PREX2: variants seen among roughly 807,000 people sequenced by gnomAD.
The protein encoded by PREX2 is phosphatidylinositol-3,4,5-trisphosphate dependent Rac exchange factor 2, also known as phosphatidylinositol 3,4,5-trisphosphate-dependent Rac exchanger 2 protein.
Under a neutral mutation model 203.2 loss-of-function variants are expected in PREX2, and 107 were observed. The observed-to-expected ratio is 0.53, with a 90% confidence interval of 0.45 to 0.62. The LOEUF is 0.62. Ranked by LOEUF, PREX2 falls within the 20% of genes least tolerant of loss-of-function variation. The pLI is 0.00. For synonymous variants in PREX2, 672 were observed against 663.6 expected (o/e 1.01, Z -0.19); for missense variants, 1,777 against 1,955.9 (o/e 0.91, Z 1.72).
chr8:68,127,173 G>A (rs1017664250), intron 30 of PREX2, among the ~76,000 whole-genome samples: 2 of 152,088 alleles, frequency 1.3e-5, no homozygotes, highest in African/African-American at 4.8e-5. Context: ...AGCATGTCAA[G>A]TGAATTGATT....
At chr8:68,024,923 TGAGTA>T (rs1288479788) in intron 4 of PREX2, among the ~76,000 whole-genome samples, 1 of 152,076 alleles carries the variant, frequency 6.6e-6, no homozygotes, top group Non-Finnish European at 1.5e-5. Context: ...TAATATTTCC[TGAGTA>T]GAAATGGAAA....
At chr8:68,224,421 ATGTC>A in intron 38 of PREX2, 134 bp from the exon 39 acceptor site, 1 of 674,314 alleles carries the variant, frequency 1.5e-6, no homozygotes, top group South Asian at 1.8e-5. Context: ...TCAGACAGCG[ATGTC>A]TGTCTTTCTC....
chr8:68,006,803 G>A (rs1164901725), intron 1 of PREX2, among the ~76,000 whole-genome samples: 1 of 152,124 alleles, frequency 6.6e-6, no homozygotes, highest in Non-Finnish European at 1.5e-5. Context: ...TTCAGATCCC[G>A]TGAAACAAGA....
chr8:68,096,273 T>G (rs1810069945), intron 21 of PREX2, among the ~76,000 whole-genome samples: 1 of 152,196 alleles, frequency 6.6e-6, no homozygotes, highest in Non-Finnish European at 1.5e-5. Context: ...TACTTTAAGA[T>G]AAATCAATAT....
chr8:68,124,190 T>G (rs909191043), intron 30 of PREX2, among the ~76,000 whole-genome samples: 1 of 152,102 alleles, frequency 6.6e-6, no homozygotes, highest in African/African-American at 2.4e-5. Context: ...TGTGCACACG[T>G]ATGTTCGTTG....
At chr8:68,040,686 T>C (rs1455388411) in intron 7 of PREX2, among the ~76,000 whole-genome samples, 1 of 152,170 alleles carries the variant, frequency 6.6e-6, no homozygotes, top group African/African-American at 2.4e-5. Flanking sequence ...CACTTGCTAT[T>C]TCTTTCATTA....
chr8:68,025,002 AT>A (rs1807675201), intron 4 of PREX2, among the ~76,000 whole-genome samples: 1 of 151,934 alleles, frequency 6.6e-6, no homozygotes, highest in South Asian at 2.1e-4. Context: ...TATATATGTT[AT>A]AAACTTCACA....
At chr8:68,221,526 T>C (rs1286310399) in intron 38 of PREX2, among the ~76,000 whole-genome samples, 6 of 152,158 alleles carry the variant, frequency 3.9e-5, no homozygotes, top group African/African-American at 1.4e-4. Flanking sequence ...ATATGGTGAG[T>C]GACCAATCAA....
chr8:68,216,968 CAAAA>C (rs59972334), intron 37 of PREX2, among the ~76,000 whole-genome samples: 25 of 112,918 alleles, frequency 2.2e-4, no homozygotes, highest in African/African-American at 5.3e-4. Context: ...CTCAAAAAAA[CAAAA>C]AAAAAAAAAA....
chr8:67,979,790 A>G (rs1204651166), intron 1 of PREX2, among the ~76,000 whole-genome samples: 1 of 152,206 alleles, frequency 6.6e-6, no homozygotes, highest in Admixed American at 6.5e-5. Flanking sequence ...AAAAAATACT[A>G]TGATGTCTTT....
At chr8:67,981,945 C>G (rs1208389017) in intron 1 of PREX2, among the ~76,000 whole-genome samples, 1 of 152,198 alleles carries the variant, frequency 6.6e-6, no homozygotes, top group African/African-American at 2.4e-5. Context: ...TGATGCTCAG[C>G]TGTGCACTCT....
In PREX2 at chr8:68,192,873, TGCCTTTGATA is replaced by T. The variant is rs1327142458; in HGVS notation, c.4604+350_4604+359del. On this transcript the variant is annotated intron_variant, in intron 37 of 39. Transcript: ENST00000288368. ...AGCTCAACAAAACTGGTTTTCTCAC[TGCCTTTGATA>T]GACATTCCACTATTCAGTGGTTCCA... Among the ~76,000 whole-genome samples, 2 of 152,244 alleles carry T rather than the reference TGCCTTTGATA, an allele frequency of 1.3e-5. 1 individual carries two copies. The highest frequency in any genetic ancestry group is 2.9e-5 in the Non-Finnish European group (2 of 68,048).
In PREX2 at chr8:68,044,506, GC is replaced by G; in HGVS notation, c.860del (p.Ala287AspfsTer18). 6.2e-7 allele frequency: 1 copy of G among 1,611,758 alleles called. No homozygotes were observed. The highest frequency in any genetic ancestry group is 8.5e-7 in the Non-Finnish European group (1 of 1,178,138). ...RKHRRLKNSK[A>X]STDGHRYLFR... ...CTTAAGACGGTTGAAGAACAGCAAG[GC>G]ATCTACAGATGGACATCGGTACCTT... On this transcript the variant is annotated frameshift_variant, in exon 8 of 40. Transcript: ENST00000288368. LOFTEE classifies it high-confidence loss of function.
intron 1 of PREX2, among the ~76,000 whole-genome samples, chr8:68,014,142 C>T (rs952445554): frequency 3.9e-5 from 6 of 152,126 alleles, no homozygotes; most frequent in South Asian, 2.1e-4. Flanking sequence ...TGGGCAGACA[C>T]GGATAAAGGA....
At chr8:68,105,215 A>G (rs1810374231) in intron 23 of PREX2, 1 of 1,367,670 alleles carries the variant, frequency 7.3e-7, no homozygotes, top group Admixed American at 1.9e-5. Flanking sequence ...TTCACAGTGT[A>G]AGCAGCACAT....
intron 5 of PREX2, among the ~76,000 whole-genome samples, chr8:68,029,772 G>A (rs983901536): frequency 5.3e-5 from 8 of 152,018 alleles, no homozygotes; most frequent in African/African-American, 1.9e-4. Context: ...ACTAACAAGG[G>A]CTTTCAATAT....
At chr8:68,193,540 A>T (rs1213053845) in intron 37 of PREX2, among the ~76,000 whole-genome samples, 1 of 152,234 alleles carries the variant, frequency 6.6e-6, no homozygotes, top group Non-Finnish European at 1.5e-5. Context: ...AATATCATAA[A>T]GTGTTCATGT....
intron 25 of PREX2, chr8:68,110,848 T>C: frequency 6.7e-6 from 2 of 300,052 alleles, no homozygotes; most frequent in South Asian, 2.8e-5. Context: ...TGAAGTTTTA[T>C]GAGTGATTTA....
chr8:68,208,457 A>AG (rs1234648351), intron 37 of PREX2, among the ~76,000 whole-genome samples: 1 of 152,154 alleles, frequency 6.6e-6, no homozygotes, highest in Non-Finnish European at 1.5e-5. Context: ...GAAAAAAAAA[A>AG]TCATGGTACA....
Sources: gnomAD v4.1 joint callset for allele counts (sites outside exome capture counted in the v4.1 genomes callset) on GRCh38, gnomAD v4.1.1 for gene constraint, MANE v1.5 for transcripts, NCBI Gene and HGNC (gene_info 2026-07-23, HGNC 2026-07-21) for gene names.